NUFIP2: variants seen among roughly 807,000 people sequenced by gnomAD.
NUFIP2 encodes the protein nuclear FMR1 interacting protein 2.
In NUFIP2, 6 loss-of-function variants were observed where a neutral mutation model predicts 56.9. The observed-to-expected ratio is 0.11, with a 90% CI of 0.06 to 0.21. NUFIP2 has a LOEUF of 0.21. Among genes scored for constraint, NUFIP2 ranks in the 10% least tolerant of loss-of-function variants. The pLI, the probability that NUFIP2 is intolerant of heterozygous loss-of-function variation, is 1.00. For synonymous variants in NUFIP2, 321 were observed against 298.2 expected (o/e 1.08, Z -0.79); for missense variants, 828 against 826.8 (o/e 1.00, Z -0.02).
Position 29,258,950 on chromosome 17 carries a change from CTCT to C in NUFIP2, c.*5586_*5588del, listed in dbSNP as rs1308900906. 3.9e-5 allele frequency: 6 copies of C among 152,264 alleles called. 1 individual carries two copies. The South Asian group carries it at 8.3e-4, about 21-fold the overall frequency. The allele number at this position is 152,264 out of a possible 1,614,324, so 9.4% of individuals were successfully genotyped here. On this transcript the variant is annotated 3_prime_UTR_variant, in exon 4 of 4. Transcript: ENST00000225388. ...TATTCAAGATCATGAAAGGATCCTC[CTCT>C]ATGAAGGATAAATGAAAACAGATTA...
intron 2 of NUFIP2, among the ~76,000 whole-genome samples, chr17:29,276,559 A>T (rs1567678517): frequency 6.6e-6 from 1 of 152,106 alleles, no homozygotes; most frequent in Non-Finnish European, 1.5e-5. Context: ...GGTGGTCTCT[A>T]ACTCCTGACC....
At chr17:29,270,976 T>C (rs2069068678) in intron 2 of NUFIP2, among the ~76,000 whole-genome samples, 1 of 152,142 alleles carries the variant, frequency 6.6e-6, no homozygotes, top group Admixed American at 6.5e-5. Context: ...ACAACACTAC[T>C]TTAAAAACAA....
In NUFIP2 at chr17:29,260,241, A is replaced by G. The variant is rs1333061262; in HGVS notation, c.*4298T>C. ...GTTTTCCTTTCAAATCCAACAGTTA[A>G]GTCATGGGTAGGGTTATTAAGATAC... On this transcript the variant is annotated 3_prime_UTR_variant, in exon 4 of 4. Transcript: ENST00000225388. 2.0e-5 allele frequency: 3 copies of G among 152,162 alleles called. No individual in the cohort carries two copies. Among genetic ancestry groups the G allele is most frequent in the Non-Finnish European group, 2.9e-5 (2 of 68,038 alleles). 9.4% of individuals were successfully genotyped at this position (152,162 alleles called of 1,614,324 possible).
chr17:29,274,837 T>C (rs2069097600), intron 2 of NUFIP2, among the ~76,000 whole-genome samples: 1 of 151,960 alleles, frequency 6.6e-6, no homozygotes, highest in Admixed American at 6.6e-5. Flanking sequence ...GAAGACAGTA[T>C]GCGAGATAGA....
intron 1 of NUFIP2, among the ~76,000 whole-genome samples, chr17:29,289,622 T>C (rs762327584): frequency 6.6e-5 from 10 of 151,816 alleles, no homozygotes; most frequent in Non-Finnish European, 1.5e-4. Context: ...AGATACACAA[T>C]AGAAGGACAC....
intron 2 of NUFIP2, among the ~76,000 whole-genome samples, chr17:29,285,683 A>G (rs1235383115): frequency 2.6e-5 from 4 of 152,080 alleles, no homozygotes; most frequent in Non-Finnish European, 5.9e-5. Flanking sequence ...TCAAGCACTC[A>G]GTCAAGAGAA....
intron 2 of NUFIP2, among the ~76,000 whole-genome samples, chr17:29,273,369 G>A (rs1239314662): frequency 6.6e-6 from 1 of 151,288 alleles, no homozygotes; most frequent in Admixed American, 6.6e-5. Flanking sequence ...GACAGGTTCC[G>A]CCATGTTGGC....
rs900574948 is a variant in NUFIP2 at position 29,294,120 on chromosome 17, C to T, written c.-61G>A. ...GCTGCTGCACCGTCAGGATCTGAGACTGCTTCTCAGGGCTCACTCAGTATA... is the reference window on the plus strand; with the variant it reads ...GCTGCTGCACCGTCAGGATCTGAGATTGCTTCTCAGGGCTCACTCAGTATA... On this transcript the variant is annotated 5_prime_UTR_variant, in exon 1 of 4. Transcript: ENST00000225388. The T allele has an allele frequency of 3.1e-5, 47 of 1,537,070 alleles. No individual in the cohort carries two copies. The highest frequency in any genetic ancestry group is 3.2e-5 in the Non-Finnish European group (37 of 1,141,956).
chr17:29,287,726 G>T lies in NUFIP2; in HGVS notation c.278-10C>A. Reference sequence around the variant, plus strand: ...TTTAGTTCACCATAGCCTAGGGGAGGGGAAAAAAAGGATTAAAAAAAAAAA... The same window carrying T: ...TTTAGTTCACCATAGCCTAGGGGAGTGGAAAAAAAGGATTAAAAAAAAAAA... On this transcript the variant is annotated splice_polypyrimidine_tract_variant and intron_variant, in intron 1 of 3. Transcript: ENST00000225388. 1 of 1,550,194 alleles carries T rather than the reference G, an allele frequency of 6.5e-7. No individual in the cohort carries two copies.
Position 29,287,062 on chromosome 17 carries a change from C to T in NUFIP2, c.932G>A (p.Ser311Asn). Reference sequence around the variant, plus strand: ...GGGCCGATCATCAAACTTTTTGCTGCTCACACCAGGTTTACTATCTGAGCT... The same window carrying T: ...GGGCCGATCATCAAACTTTTTGCTGTTCACACCAGGTTTACTATCTGAGCT... ...RKSSDSKPGVSSKKFDDRPKG... is the reference protein window; with the variant it reads ...RKSSDSKPGVNSKKFDDRPKG... Residue 311 changes from serine (S) to asparagine (N), a missense_variant, in exon 2 of 4, where the codon AGC (serine) becomes AAC (asparagine). Physicochemically the swap from Ser to Asn is conservative, Grantham distance 46. Around this residue, in one of 3 missense-constraint regions of NUFIP2, gnomAD observed 415 missense variants for 408.7 expected, o/e 1.02. Coordinates refer to ENST00000225388, the MANE Select transcript of NUFIP2 (RefSeq NM_020772.3). The T allele has an allele frequency of 6.2e-7, 1 of 1,614,208 alleles. No homozygotes were observed. The highest frequency in any genetic ancestry group is 8.5e-7 in the Non-Finnish European group (1 of 1,180,042).
intron 2 of NUFIP2, among the ~76,000 whole-genome samples, chr17:29,276,298 A>G (rs16964963): frequency 0.22 from 34,115 of 151,764 alleles, 4,312 homozygotes; most frequent in South Asian, 0.35. Context: ...CTTACTCTCC[A>G]GGCACAATAA....
chr17:29,277,474 A>G (rs2069114743), intron 2 of NUFIP2, among the ~76,000 whole-genome samples: 1 of 152,102 alleles, frequency 6.6e-6, no homozygotes, highest in Non-Finnish European at 1.5e-5. Flanking sequence ...TTATTAAGCC[A>G]TTTTGGATCA....
chr17:29,261,372 T>C lies in NUFIP2; in HGVS notation c.*3167A>G, dbSNP rs1462578124. The C allele has an allele frequency of 6.6e-6, 1 of 151,618 alleles. No homozygotes were observed. Among genetic ancestry groups the C allele is most frequent in the African/African-American group, 2.4e-5 (1 of 41,192 alleles). The allele number at this position is 151,618 out of a possible 1,614,324, so 9.4% of individuals were successfully genotyped here. A position where few individuals can be genotyped will look rare whatever the true frequency, so the allele number is the denominator to read the frequency against. On this transcript the variant is annotated 3_prime_UTR_variant, in exon 4 of 4. Transcript: ENST00000225388. ...TACACATTCATTTACTAATTTTTAA[T>C]ATCTCCATCTTTTCCTCACACACAC...
rs929924162 is a variant in NUFIP2, at chr17:29,262,156, T to C, written c.*2383A>G. 1 of 152,510 alleles carries C rather than the reference T, an allele frequency of 6.6e-6. No individual in the cohort carries two copies. The highest frequency in any genetic ancestry group is 2.4e-5 in the African/African-American group (1 of 41,440). 9.4% of individuals were successfully genotyped at this position (152,510 alleles called of 1,614,324 possible). A position where few individuals can be genotyped will look rare whatever the true frequency, so the allele number is the denominator to read the frequency against. On this transcript the variant is annotated 3_prime_UTR_variant, in exon 4 of 4. Coordinates refer to ENST00000225388, the MANE Select transcript of NUFIP2 (RefSeq NM_020772.3). ...AAATATATACTCAATTCAACCTCTGTATGTCACAAACCCAGAAAGTTTCTT... is the reference window on the plus strand; with the variant it reads ...AAATATATACTCAATTCAACCTCTGCATGTCACAAACCCAGAAAGTTTCTT...
intron 1 of NUFIP2, among the ~76,000 whole-genome samples, chr17:29,289,559 C>T (rs760655296): frequency 4.0e-5 from 6 of 151,686 alleles, no homozygotes; most frequent in Non-Finnish European, 8.8e-5. Context: ...GCCACTGCAC[C>T]CCAGCCTGGG....
chr17:29,264,453 A>T lies in NUFIP2; in HGVS notation c.*86T>A, dbSNP rs377244438. 1.4e-6 allele frequency: 1 copy of T among 728,602 alleles called. No homozygotes were observed. The highest frequency in any genetic ancestry group is 1.8e-5 in the African/African-American group (1 of 56,712). The allele number at this position is 728,602 out of a possible 1,614,324, so 45.1% of individuals were successfully genotyped here. A position where few individuals can be genotyped will look rare whatever the true frequency, so the allele number is the denominator to read the frequency against. ...TACTTATGGTTCCTCTGCTGCGTTG[A>T]AGATCTAGGAGCATAAAAGCCTTGT... On this transcript the variant is annotated 3_prime_UTR_variant, in exon 4 of 4. Transcript: ENST00000225388.
At chr17:29,265,341 C>G (rs1363026455) in intron 3 of NUFIP2, among the ~76,000 whole-genome samples, 1 of 140,538 alleles carries the variant, frequency 7.1e-6, no homozygotes. Flanking sequence ...CTCGCTCTGT[C>G]GCCCAGGCTG....
chr17:29,280,928 C>G (rs1298964599), intron 2 of NUFIP2, among the ~76,000 whole-genome samples: 5 of 149,778 alleles, frequency 3.3e-5, no homozygotes, highest in Non-Finnish European at 1.5e-5. Context: ...GAGGTTGCAG[C>G]GAGCCAAGAT....
At chr17:29,270,013 C>A (rs1007361292) in intron 2 of NUFIP2, among the ~76,000 whole-genome samples, 1 of 152,076 alleles carries the variant, frequency 6.6e-6, no homozygotes, top group African/African-American at 2.4e-5. Flanking sequence ...AGCCACCGCG[C>A]CTGGCCAAGC....
Sources: gnomAD v4.1 joint callset for allele counts (sites outside exome capture counted in the v4.1 genomes callset) on GRCh38, gnomAD v4.1.1 for gene constraint, gnomAD v4.1.1 regional missense constraint, MANE v1.5 for transcripts, NCBI Gene and HGNC (gene_info 2026-07-23, HGNC 2026-07-21) for gene names.